KCNH1: variants seen among roughly 807,000 people sequenced by gnomAD.
The protein encoded by KCNH1 is voltage-gated delayed rectifier potassium channel KCNH1.
A neutral mutation model predicts 69.2 loss-of-function variants in KCNH1; 27 were observed. The ratio of observed to expected loss-of-function variants is 0.39; its 90% CI spans 0.29 to 0.54. The LOEUF is 0.54. Ranked by LOEUF, KCNH1 falls within the 20% of genes least tolerant of loss-of-function variation. The pLI is 0.68. For missense variants in KCNH1, 798 were observed against 1,261.6 expected (o/e 0.63, Z 5.57); for synonymous variants, 456 against 487.7 (o/e 0.93, Z 0.86).
intron 7 of KCNH1, among the ~76,000 whole-genome samples, chr1:210,844,991 AT>A (rs1442505444): frequency 5.9e-5 from 9 of 152,208 alleles, no homozygotes; most frequent in Non-Finnish European, 1.3e-4. Flanking sequence ...AAATGGATAA[AT>A]TCCTCGACAC....
At chr1:210,861,489 C>T (rs1251171514) in intron 7 of KCNH1, 1 of 774,496 alleles carries the variant, frequency 1.3e-6, no homozygotes. Flanking sequence ...ATATGTAAGG[C>T]CCACTTCTTG....
Position 210,797,768 on chromosome 1 carries a change from G to A in KCNH1, c.1663-8C>T. On this transcript the variant is annotated splice_region_variant and splice_polypyrimidine_tract_variant and intron_variant, in intron 8 of 10. Coordinates refer to ENST00000271751, the MANE Select transcript of KCNH1 (RefSeq NM_172362.3). Reference sequence around the variant, plus strand: ...GGGGCAGATCTGCAGGACCTAGCCAGGTACAGAAAAAAACAGTGTGAGGGT... The same window carrying A: ...GGGGCAGATCTGCAGGACCTAGCCAAGTACAGAAAAAAACAGTGTGAGGGT... The A allele has an allele frequency of 6.2e-7, 1 of 1,606,952 alleles. No homozygotes were observed. Among genetic ancestry groups the A allele is most frequent in the Non-Finnish European group, 8.5e-7 (1 of 1,174,666 alleles).
At chr1:210,984,224 G>A (rs947397192) in intron 6 of KCNH1, among the ~76,000 whole-genome samples, 14 of 152,256 alleles carry the variant, frequency 9.2e-5, no homozygotes, top group African/African-American at 2.2e-4. Flanking sequence ...TGCAAACAGC[G>A]ACAATTTGAC....
chr1:210,738,718 C>T (rs751200627), intron 10 of KCNH1, among the ~76,000 whole-genome samples: 1 of 151,806 alleles, frequency 6.6e-6, no homozygotes, highest in Non-Finnish European at 1.5e-5. Flanking sequence ...TAGGTGCATG[C>T]CCCCACACCC....
chr1:210,893,137 T>G (rs896254257), intron 7 of KCNH1, among the ~76,000 whole-genome samples: 1 of 152,164 alleles, frequency 6.6e-6, no homozygotes, highest in African/African-American at 2.4e-5. Context: ...CATATTTTCA[T>G]TCAGTATCAT....
chr1:210,729,557 A>G lies in KCNH1; in HGVS notation c.2113-45419T>C, dbSNP rs142980922. On this transcript the variant is annotated intron_variant, in intron 10 of 10. Coordinates refer to ENST00000271751, the MANE Select transcript of KCNH1 (RefSeq NM_172362.3). ...TCAAGTGAGTAAGAATGGCATTATT[A>G]TAGGTAGAATTTTGAATATGGTATA... Among the ~76,000 whole-genome samples, 65 of 152,374 alleles carry G rather than the reference A, an allele frequency of 4.3e-4. 1 individual carries two copies. In the East Asian group the frequency reaches 9.3e-3, roughly 22 times the overall value.
intron 5 of KCNH1, among the ~76,000 whole-genome samples, chr1:211,020,378 C>T (rs1689567341): frequency 6.6e-6 from 1 of 151,574 alleles, no homozygotes; most frequent in Non-Finnish European, 1.5e-5. Context: ...ATTGGAAAAC[C>T]TAGAGGAAAT....
rs544880267 is a variant in KCNH1, at chr1:211,098,147, G to A, written c.310+5349C>T. Among the ~76,000 whole-genome samples, 44 of 151,710 alleles carry A rather than the reference G, an allele frequency of 2.9e-4. No individual in the cohort carries two copies. The South Asian group carries it at 8.8e-3, about 30-fold the overall frequency. ...AGCCTGGCCAACATGGTGAAACCCC[G>A]ACTCTACAAAAATACAAAAAAAAAT... On this transcript the variant is annotated intron_variant, in intron 3 of 10. Coordinates refer to ENST00000271751, the MANE Select transcript of KCNH1 (RefSeq NM_172362.3).
In KCNH1 at chr1:210,917,608, A is replaced by G. The variant is rs147351101; in HGVS notation, c.1462+2032T>C. 7.2e-5 allele frequency among the ~76,000 whole-genome samples: 11 copies of G among 152,374 alleles called. No individual in the cohort carries two copies. The East Asian group carries it at 1.9e-3, about 27-fold the overall frequency. On this transcript the variant is annotated intron_variant, in intron 7 of 10. Coordinates refer to ENST00000271751, the MANE Select transcript of KCNH1 (RefSeq NM_172362.3). Reference sequence around the variant, plus strand: ...ATATTTGAAAGCCTTTTGCGAGTCCATAAAATGGGACCCATTTTCTAAATG... The same window carrying G: ...ATATTTGAAAGCCTTTTGCGAGTCCGTAAAATGGGACCCATTTTCTAAATG...
intron 10 of KCNH1, among the ~76,000 whole-genome samples, chr1:210,735,988 C>T (rs1178350300): frequency 6.6e-6 from 1 of 152,116 alleles, no homozygotes; most frequent in Non-Finnish European, 1.5e-5. Context: ...TTGCTTTCTG[C>T]TGGCTGCATT....
At chr1:210,908,128 T>G (rs534528917) in intron 7 of KCNH1, among the ~76,000 whole-genome samples, 1 of 152,326 alleles carries the variant, frequency 6.6e-6, no homozygotes, top group South Asian at 2.1e-4. Context: ...TTCTTCTTAA[T>G]CTCAATCTCT....
At chr1:211,028,747 A>G (rs1473521203) in intron 5 of KCNH1, among the ~76,000 whole-genome samples, 1 of 152,170 alleles carries the variant, frequency 6.6e-6, no homozygotes, top group Non-Finnish European at 1.5e-5. Flanking sequence ...CCACAAAATT[A>G]TTGAGGGAAT....
At chr1:210,741,157 TAAG>T (rs546005719) in intron 10 of KCNH1, among the ~76,000 whole-genome samples, 207 of 152,296 alleles carry the variant, frequency 1.4e-3, no homozygotes, top group African/African-American at 4.8e-3. Context: ...TCATCGAGTA[TAAG>T]AAGAAGTGCT....
At chr1:210,818,464 C>T (rs547046099) in intron 7 of KCNH1, among the ~76,000 whole-genome samples, 2 of 152,204 alleles carry the variant, frequency 1.3e-5, no homozygotes, top group African/African-American at 2.4e-5. Flanking sequence ...CTGACTATCC[C>T]GACCCTGCTA....
intron 7 of KCNH1, among the ~76,000 whole-genome samples, chr1:210,899,724 ATCT>A (rs1686955307): frequency 6.6e-6 from 1 of 152,208 alleles, no homozygotes; most frequent in Non-Finnish European, 1.5e-5. Context: ...ACTTCATGTG[ATCT>A]TCTTAACACT....
At chr1:211,000,588 C>G (rs193106182) in intron 6 of KCNH1, among the ~76,000 whole-genome samples, 2 of 152,200 alleles carry the variant, frequency 1.3e-5, no homozygotes, top group Admixed American at 1.3e-4. Context: ...TCATACTGCC[C>G]AAGGTAATTT....
chr1:210,883,231 A>G (rs1462867761), intron 7 of KCNH1, among the ~76,000 whole-genome samples: 1 of 152,214 alleles, frequency 6.6e-6, no homozygotes, highest in African/African-American at 2.4e-5. Flanking sequence ...TAGAGCAGCA[A>G]ATGTGTGCTA....
chr1:211,104,380 C>CAA (rs138585722), intron 2 of KCNH1, among the ~76,000 whole-genome samples: 9 of 147,596 alleles, frequency 6.1e-5, no homozygotes, highest in Non-Finnish European at 1.2e-4. Flanking sequence ...TAGTTCTCAG[C>CAA]AAAAAAAAAA....
At chr1:211,066,805 C>G (rs188278365) in intron 5 of KCNH1, among the ~76,000 whole-genome samples, 56 of 152,278 alleles carry the variant, frequency 3.7e-4, no homozygotes, top group Middle Eastern at 3.4e-3. Flanking sequence ...GCACACTATC[C>G]CTGTAACTGA....
Sources: gnomAD v4.1 joint callset for allele counts (sites outside exome capture counted in the v4.1 genomes callset) on GRCh38, gnomAD v4.1.1 for gene constraint, MANE v1.5 for transcripts, NCBI Gene and HGNC (gene_info 2026-07-23, HGNC 2026-07-21) for gene names.